Variants in C1orf174 observed in about 807,000 individuals in gnomAD.
C1orf174 encodes the protein UPF0688 protein C1orf174.
A neutral mutation model predicts 18.4 loss-of-function variants in C1orf174; 13 were observed. That is an observed-to-expected ratio of 0.71 (90% CI 0.46 to 1.12). The LOEUF is 1.12. Ranked by LOEUF, C1orf174 falls within the 50% of genes most tolerant of loss-of-function variation. The pLI, the probability that C1orf174 is intolerant of heterozygous loss-of-function variation, is 0.00. For synonymous variants in C1orf174, 100 were observed against 118.3 expected, an observed-to-expected ratio of 0.85 and a Z score of 1.01; for missense variants, 309 against 308.0, an observed-to-expected ratio of 1.00 and a Z score of -0.02.
At chr1:3,893,023 A>C (rs994325690) in intron 1 of C1orf174, 27 bp from the exon 2 acceptor site, 2 of 1,608,720 alleles carry the variant, frequency 1.2e-6, no homozygotes, top group Non-Finnish European at 8.5e-7. Flanking sequence ...CCACTCAGAG[A>C]GTGCTCTCAG....
At chr1:3,894,791 G>T (rs1638576546) in intron 1 of C1orf174, among the ~76,000 whole-genome samples, 2 of 152,138 alleles carry the variant, frequency 1.3e-5, no homozygotes, top group South Asian at 4.1e-4. Context: ...CCCGCCTGCT[G>T]TACACAGGAC....
intron 1 of C1orf174, 71 bp from the exon 2 acceptor site, chr1:3,893,067 C>G: frequency 6.5e-7 from 1 of 1,540,142 alleles, no homozygotes; most frequent in Non-Finnish European, 8.8e-7. Context: ...GAGAATTTCC[C>G]ACCTAAAGAA....
At chr1:3,891,078 AG>A in intron 2 of C1orf174, 21 bp from the exon 3 acceptor site, 1 of 1,594,944 alleles carries the variant, frequency 6.3e-7, no homozygotes, top group Non-Finnish European at 8.5e-7. Context: ...AAAAAATGTA[AG>A]GGGAACCAGA....
chr1:3,899,976 A>G (rs1242611393), intron 1 of C1orf174, among the ~76,000 whole-genome samples, 196 bp downstream of exon 1: 3 of 149,706 alleles, frequency 2.0e-5, no homozygotes, highest in South Asian at 4.3e-4. Context: ...CCCTTTTCAC[A>G]GGGGCGTGAC....
Position 3,890,597 on chromosome 1 carries a change from C to G in C1orf174, c.590G>C (p.Arg197Pro). Reference sequence around the variant, plus strand: ...CATGAGCTCAACGTTTCCAAAGAACCGGCTCACGGGCATTGGCTGATTGCT... The same window carrying G: ...CATGAGCTCAACGTTTCCAAAGAACGGGCTCACGGGCATTGGCTGATTGCT... The part of the protein sequence containing the change: ...DDSNQPMPVS[R>P]FFGNVELMQD... The change falls in exon 3 of 4, where the codon CGG becomes CCG. Residue 197 changes from arginine to proline, a missense_variant. Transcript: ENST00000361605. The G allele has an allele frequency of 6.2e-7, 1 of 1,614,088 alleles. No homozygotes were observed. Among genetic ancestry groups the G allele is most frequent in the Non-Finnish European group, 8.5e-7 (1 of 1,180,012 alleles).
intron 1 of C1orf174, among the ~76,000 whole-genome samples, chr1:3,896,540 G>A (rs1190049113): frequency 1.2e-4 from 18 of 152,246 alleles, no homozygotes; most frequent in Admixed American, 1.2e-3. Context: ...CTGCCCAAAG[G>A]CACCAAATTC....
chr1:3,889,845 T>C lies in C1orf174; in HGVS notation c.*115A>G. ...ACTATTGACTTAGATGGGTCAGTTC[T>C]GAAGTTTGATTAAGACATTCTCTTG... is the stretch of plus-strand genomic sequence containing the variant. On this transcript the variant is annotated 3_prime_UTR_variant, in exon 4 of 4. Transcript: ENST00000361605. 2 of 985,926 alleles carry C rather than the reference T, an allele frequency of 2.0e-6. No individual in the cohort carries two copies. The highest frequency in any genetic ancestry group is 3.2e-6 in the Non-Finnish European group (2 of 622,970). 61.1% of individuals were successfully genotyped at this position (985,926 alleles called of 1,614,324 possible).
chr1:3,895,123 C>A (rs769368450), intron 1 of C1orf174, among the ~76,000 whole-genome samples: 1 of 152,234 alleles, frequency 6.6e-6, no homozygotes, highest in African/African-American at 2.4e-5. Flanking sequence ...CTCCTCCGGG[C>A]GCTTTGCTGC....
chr1:3,896,184 C>G (rs1309596367), intron 1 of C1orf174: 1 of 152,716 alleles, frequency 6.5e-6, no homozygotes, highest in Non-Finnish European at 1.5e-5. Context: ...CCACCTGTGA[C>G]TGAGACCAGG....
chr1:3,899,532 T>G (rs1202785162), intron 1 of C1orf174, among the ~76,000 whole-genome samples: 1 of 152,162 alleles, frequency 6.6e-6, no homozygotes, highest in East Asian at 1.9e-4. Flanking sequence ...ACCCTCTTGG[T>G]GGATCCCTCA....
rs763088291 is a variant in C1orf174 at position 3,890,085 on chromosome 1, A to T, written c.619-12T>A. ...GCAGGTGGGAGGTCCTTAGTGGAGAAGAAAACATGACTTCAGTCATGAGCA... is the reference window on the plus strand; with the variant it reads ...GCAGGTGGGAGGTCCTTAGTGGAGATGAAAACATGACTTCAGTCATGAGCA... On this transcript the variant is annotated splice_polypyrimidine_tract_variant and intron_variant, in intron 3 of 3. Transcript: ENST00000361605. The T allele has an allele frequency of 1.2e-6, 2 of 1,604,998 alleles. No individual in the cohort carries two copies. The highest frequency in any genetic ancestry group is 1.1e-5 in the South Asian group (1 of 90,910).
rs59405380 is a variant in C1orf174, at chr1:3,889,700, G to GAAAA, written c.*256_*259dup. ...ACAAGAGAGAAACTCTGTCTCCAAG[G>GAAAA]AAAAAAAAAAAAAAAAAAAAAGAAA... On this transcript the variant is annotated 3_prime_UTR_variant, in exon 4 of 4. Coordinates refer to ENST00000361605, the MANE Select transcript of C1orf174 (RefSeq NM_207356.3). The GAAAA allele has an allele frequency of 5.3e-4, 78 of 146,044 alleles. 1 individual carries two copies. The highest frequency in any genetic ancestry group is 6.2e-4 in the Non-Finnish European group (47 of 75,904). The allele number at this position is 146,044 out of a possible 1,614,324, so 9.0% of individuals were successfully genotyped here.
At position 3,892,923 on chromosome 1, in the gene C1orf174, T is replaced by C; in HGVS notation, c.89A>G (p.Gln30Arg). The C allele has an allele frequency of 2.5e-6, 4 of 1,614,204 alleles. No homozygotes were observed. Among genetic ancestry groups the C allele is most frequent in the East Asian group, 2.2e-5 (1 of 44,884 alleles). Residue 30 changes from glutamine (Q) to arginine (R), a missense_variant, in exon 2 of 4, where the codon CAG becomes CGG. Gln to Arg is a conservative substitution (Grantham distance 43). Coordinates refer to ENST00000361605, the MANE Select transcript of C1orf174 (RefSeq NM_207356.3). ...SCSAARLASA[Q>R]EVAGSTSAKT... ...GGCAGACGTGGAACCAGCAACTTCC[T>C]GGGCAGAGGCCAACCTGGCTGCCGA...
At position 3,890,566 on chromosome 1, in the gene C1orf174, T is replaced by C. The variant is rs771797644; in HGVS notation, c.618+3A>G. ...CACGGGAGGAGGAAGGCGCCGCTCT[T>C]ACCTGCATGAGCTCAACGTTTCCAA... On this transcript the variant is annotated splice_donor_region_variant and intron_variant, in intron 3 of 3. Transcript: ENST00000361605. 1 of 1,613,902 alleles carries C rather than the reference T, an allele frequency of 6.2e-7. No homozygotes were observed. Among genetic ancestry groups the C allele is most frequent in the Non-Finnish European group, 8.5e-7 (1 of 1,179,938 alleles).
intron 1 of C1orf174, among the ~76,000 whole-genome samples, chr1:3,897,113 A>G (rs1247019017): frequency 6.6e-6 from 1 of 152,184 alleles, no homozygotes; most frequent in Non-Finnish European, 1.5e-5. Context: ...TTATGAAGGC[A>G]TAATTCCAAC....
chr1:3,895,821 T>C (rs1271705823), intron 1 of C1orf174: 3 of 152,248 alleles, frequency 2.0e-5, no homozygotes, highest in African/African-American at 4.8e-5. Context: ...TTCCAGTAGA[T>C]TGTTTAATAA....
chr1:3,898,223 A>C (rs1638642273), intron 1 of C1orf174, among the ~76,000 whole-genome samples: 1 of 152,112 alleles, frequency 6.6e-6, no homozygotes, highest in Admixed American at 6.5e-5. Context: ...GCTATACTTC[A>C]AAAATGGGCT....
Position 3,892,854 on chromosome 1 carries a change from T to C in C1orf174, c.129+29A>G, listed in dbSNP as rs773756798. The C allele has an allele frequency of 6.8e-6, 11 of 1,611,084 alleles. No homozygotes were observed. The East Asian group carries it at 2.5e-4, about 36-fold the overall frequency. On this transcript the variant is annotated intron_variant, in intron 2 of 3. Transcript: ENST00000361605. Reference sequence around the variant, plus strand: ...AAAAATGGACCCTCGAGTCAGGATCTTGGCGTTCTCCACGGTAACAGGGCT... The same window carrying C: ...AAAAATGGACCCTCGAGTCAGGATCCTGGCGTTCTCCACGGTAACAGGGCT...
chr1:3,890,777 T>C lies in C1orf174; in HGVS notation c.410A>G (p.Asp137Gly), dbSNP rs755844866. 22 of 1,613,896 alleles carry C rather than the reference T, an allele frequency of 1.4e-5. No homozygotes were observed. The highest frequency in any genetic ancestry group is 1.5e-5 in the Non-Finnish European group (18 of 1,179,978). ...VSDSRLAKTR[D>G]GLSVPKHSAG... is the part of the protein sequence containing the mutation. ...ACTGTGTTTTGGCACGGACAGGCCA[T>C]CTCTAGTCTTTGCTAAGCGAGAGTC... is the stretch of plus-strand genomic sequence containing the variant. Residue 137 changes from aspartate to glycine, a missense_variant, in exon 3 of 4, where the codon GAT (aspartate) becomes GGT (glycine). Coordinates refer to ENST00000361605, the MANE Select transcript of C1orf174 (RefSeq NM_207356.3).
Sources: gnomAD v4.1 joint callset for allele counts (sites outside exome capture counted in the v4.1 genomes callset) on GRCh38, gnomAD v4.1.1 for gene constraint, MANE v1.5 for transcripts, NCBI Gene and HGNC (gene_info 2026-07-23, HGNC 2026-07-21) for gene names.